Variants in LRP1B observed in about 807,000 individuals in gnomAD.
The protein encoded by LRP1B is LDL receptor related protein 1B.
A neutral mutation model predicts 556.6 loss-of-function variants in LRP1B; 217 were observed. The ratio of observed to expected loss-of-function variants is 0.39; its 90% CI spans 0.35 to 0.44. The LOEUF (loss-of-function observed/expected upper bound fraction) is 0.44. LRP1B is among the 20% of genes least tolerant of loss of function. The pLI is 1.00. For synonymous variants in LRP1B, 2,047 were observed against 1,865.8 expected (o/e 1.10, Z -2.50); for missense variants, 5,053 against 5,620.8 (o/e 0.90, Z 3.23).
At chr2:141,250,719 C>G (rs1345975548) in intron 4 of LRP1B, among the ~76,000 whole-genome samples, 6 of 152,106 alleles carry the variant, frequency 3.9e-5, no homozygotes, top group African/African-American at 7.2e-5. Context: ...TCTTGCAGTA[C>G]TAGGTCCTTA....
intron 17 of LRP1B, 31 bp downstream of exon 17, chr2:140,989,501 G>A (rs1697023682): frequency 6.2e-6 from 10 of 1,610,710 alleles, no homozygotes; most frequent in African/African-American, 1.3e-5. Context: ...CTTTGGAGGA[G>A]ATTTACGTGT....
rs1686140112 is a variant in LRP1B at position 141,561,318 on chromosome 2, A to G, written c.206-80785T>C. On this transcript the variant is annotated intron_variant, in intron 2 of 90. Transcript: ENST00000389484. ...CCAGAACTTAAGCCAACTTCTATAA[A>G]TCCTAAACATTTTCTCCAATAGATT... 4.6e-5 allele frequency among the ~76,000 whole-genome samples: 7 copies of G among 151,902 alleles called. No individual in the cohort carries two copies. In the South Asian group the frequency reaches 1.5e-3, roughly 31 times the overall value.
intron 11 of LRP1B, among the ~76,000 whole-genome samples, chr2:141,047,210 G>T (rs975270047): frequency 6.6e-6 from 1 of 151,990 alleles, no homozygotes; most frequent in Non-Finnish European, 1.5e-5. Context: ...TAAGAGAAAA[G>T]TAGGCAGACA....
intron 3 of LRP1B, among the ~76,000 whole-genome samples, chr2:141,366,645 T>C (rs568194347): frequency 6.6e-6 from 1 of 152,330 alleles, no homozygotes; most frequent in African/African-American, 2.4e-5. Context: ...ATCGGCCATA[T>C]TGGAGTTTCT....
chr2:142,043,582 T>A (rs970643949), intron 1 of LRP1B, among the ~76,000 whole-genome samples: 11 of 151,586 alleles, frequency 7.3e-5, no homozygotes, highest in Non-Finnish European at 5.9e-5. Context: ...AAAGTATATA[T>A]CATCAGTGTA....
intron 21 of LRP1B, among the ~76,000 whole-genome samples, chr2:140,922,723 G>C (rs891365182): frequency 6.6e-6 from 1 of 152,018 alleles, no homozygotes; most frequent in African/African-American, 2.4e-5. Context: ...TGTTGGCTCT[G>C]TGAGCGTAAG....
chr2:141,671,263 G>A (rs1690655515), intron 2 of LRP1B, among the ~76,000 whole-genome samples: 1 of 152,054 alleles, frequency 6.6e-6, no homozygotes, highest in Admixed American at 6.6e-5. Context: ...TTGCAAATAC[G>A]GCTAGAAAAA....
chr2:141,578,404 AAAAAAAAG>A (rs1450254699), intron 2 of LRP1B, among the ~76,000 whole-genome samples: 8 of 151,834 alleles, frequency 5.3e-5, no homozygotes, highest in African/African-American at 1.7e-4. Context: ...CTCAAAAAAA[AAAAAAAAG>A]AAAAAAAGAA....
intron 6 of LRP1B, among the ~76,000 whole-genome samples, chr2:141,194,362 A>G (rs1267394453): frequency 6.6e-6 from 1 of 152,132 alleles, no homozygotes; most frequent in Admixed American, 6.6e-5. Context: ...TACAAGGATC[A>G]GAATGAGAAC....
At position 140,487,598 on chromosome 2, in the gene LRP1B, CATT is replaced by C. The variant is rs1236657421; in HGVS notation, c.9243+16_9243+18del. On this transcript the variant is annotated intron_variant, in intron 58 of 90. Transcript: ENST00000389484. ...CTGGTATAATATTCAACAATCCCAT[CATT>C]GTAATATTTAGTTACCTTAATGTCA... The C allele has an allele frequency of 1.3e-6, 2 of 1,591,882 alleles. No homozygotes were observed. The highest frequency in any genetic ancestry group is 3.4e-5 in the Admixed American group (2 of 59,158).
chr2:140,269,417 G>T (rs12477489), intron 86 of LRP1B: 2 of 463,158 alleles, frequency 4.3e-6, no homozygotes, highest in African/African-American at 4.1e-5. Context: ...TAAATAAAGC[G>T]TCTGACTTGT....
chr2:140,818,995 TTGTC>T (rs1193224774), intron 31 of LRP1B, among the ~76,000 whole-genome samples: 1 of 151,888 alleles, frequency 6.6e-6, no homozygotes, highest in Non-Finnish European at 1.5e-5. Context: ...CACTTTGTCT[TTGTC>T]TGTTCCATCC....
intron 66 of LRP1B, among the ~76,000 whole-genome samples, chr2:140,435,273 A>AT (rs1298757803): frequency 6.6e-6 from 1 of 151,166 alleles, no homozygotes. Flanking sequence ...TTTAACTCTG[A>AT]TTTTTTTCAC....
At chr2:140,859,727 G>C (rs543316600) in intron 27 of LRP1B, among the ~76,000 whole-genome samples, 1 of 152,114 alleles carries the variant, frequency 6.6e-6, no homozygotes, top group Non-Finnish European at 1.5e-5. Flanking sequence ...GTGTGCGGTG[G>C]CTCCCGACTG....
Position 140,475,341 on chromosome 2 carries a change from G to A in LRP1B, c.9426-4C>T, listed in dbSNP as rs2105348280. Reference sequence around the variant, plus strand: ...GCAGTCAATCCAATACAAATATCTAGGAAAGAAAATCAATACTGATTTTGT... The same window carrying A: ...GCAGTCAATCCAATACAAATATCTAAGAAAGAAAATCAATACTGATTTTGT... On this transcript the variant is annotated splice_region_variant and splice_polypyrimidine_tract_variant and intron_variant, in intron 59 of 90. Coordinates refer to ENST00000389484, the MANE Select transcript of LRP1B (RefSeq NM_018557.3). The A allele has an allele frequency of 6.4e-7, 1 of 1,572,336 alleles. No homozygotes were observed. Among genetic ancestry groups the A allele is most frequent in the Non-Finnish European group, 8.7e-7 (1 of 1,155,734 alleles).
At position 140,643,175 on chromosome 2, in the gene LRP1B, G is replaced by GA. The variant is rs765738748; in HGVS notation, c.6800-41537dup. ...ATTGTTCCCTTTTTTCTTAAATACA[G>GA]AAAAAAAAATGTATATATACCCAGG... On this transcript the variant is annotated intron_variant, in intron 41 of 90. Coordinates refer to ENST00000389484, the MANE Select transcript of LRP1B (RefSeq NM_018557.3). Among the ~76,000 whole-genome samples the GA allele has an allele frequency of 5.5e-4, 82 of 150,292 alleles. 1 individual carries two copies. Among genetic ancestry groups the GA allele is most frequent in the East Asian group, 2.1e-3 (11 of 5,140 alleles).
chr2:140,306,047 T>C (rs12692044), intron 83 of LRP1B, among the ~76,000 whole-genome samples: 18,065 of 108,740 alleles, frequency 0.17, 2,474 homozygotes, highest in Non-Finnish European at 0.24. Flanking sequence ...CTGCTGGATT[T>C]GGTTTGCCAG....
chr2:140,975,146 G>A (rs1439411859), intron 18 of LRP1B, among the ~76,000 whole-genome samples: 1 of 152,154 alleles, frequency 6.6e-6, no homozygotes, highest in African/African-American at 2.4e-5. Context: ...CACCAAGCAA[G>A]GGGATTCTAG....
At chr2:142,005,904 A>G (rs1025605853) in intron 1 of LRP1B, among the ~76,000 whole-genome samples, 1 of 151,836 alleles carries the variant, frequency 6.6e-6, no homozygotes, top group African/African-American at 2.4e-5. Context: ...AAAAGAAAAA[A>G]AAAAGAAAAA....
Sources: allele counts gnomAD v4.1 joint callset (sites outside exome capture counted in the v4.1 genomes callset), GRCh38; gene constraint gnomAD v4.1.1; transcripts MANE v1.5; gene names NCBI Gene and HGNC (gene_info 2026-07-23, HGNC 2026-07-21).